DIP2A: variants seen among roughly 807,000 people sequenced by gnomAD.
DIP2A encodes disco-interacting protein 2 homolog A.
DIP2A carries 85 observed loss-of-function variants against 177.4 expected under a neutral mutation model. That is an observed-to-expected ratio of 0.48 (90% CI 0.40 to 0.57). The LOEUF (loss-of-function observed/expected upper bound fraction) is 0.57, where lower values mean the gene tolerates loss of function less well. DIP2A is among the 20% of genes least tolerant of loss of function. The pLI, the probability that DIP2A is intolerant of heterozygous loss-of-function variation, is 0.00. For synonymous variants in DIP2A, 886 were observed against 881.8 expected, an observed-to-expected ratio of 1.00 and a Z score of -0.08; for missense variants, 1,791 against 2,100.2, an observed-to-expected ratio of 0.85 and a Z score of 2.88.
At chr21:46,482,794 TC>T (rs2056437518) in intron 1 of DIP2A, among the ~76,000 whole-genome samples, 1 of 152,306 alleles carries the variant, frequency 6.6e-6, no homozygotes, top group African/African-American at 2.4e-5. Flanking sequence ...GCATCTGTGA[TC>T]CTAAGTGAGA....
intron 5 of DIP2A, among the ~76,000 whole-genome samples, chr21:46,503,950 C>T (rs1264907309): frequency 1.3e-5 from 2 of 152,062 alleles, no homozygotes; most frequent in Non-Finnish European, 2.9e-5. Context: ...GGTCTCGAAC[C>T]CCTGACCTCA....
intron 32 of DIP2A, among the ~76,000 whole-genome samples, chr21:46,560,266 A>G (rs2060620188): frequency 6.6e-6 from 1 of 152,228 alleles, no homozygotes; most frequent in African/African-American, 2.4e-5. Context: ...TCAGAAAGGA[A>G]GAGAGTAGAA....
chr21:46,518,386 C>G (rs2058677629), intron 8 of DIP2A, among the ~76,000 whole-genome samples: 1 of 152,194 alleles, frequency 6.6e-6, no homozygotes, highest in Non-Finnish European at 1.5e-5. Context: ...TGCTCCCCAT[C>G]ATTATCAGCA....
At chr21:46,464,844 T>TTTAA in intron 1 of DIP2A, among the ~76,000 whole-genome samples, 1 of 111,232 alleles carries the variant, frequency 9.0e-6, no homozygotes, top group African/African-American at 4.2e-5. Context: ...TTTTTTTTTT[T>TTTAA]CAAGAAAACA....
chr21:46,551,264 T>G (rs1350418204), intron 23 of DIP2A, among the ~76,000 whole-genome samples: 3 of 152,254 alleles, frequency 2.0e-5, no homozygotes, highest in Non-Finnish European at 4.4e-5. Flanking sequence ...TGCCAAAGTT[T>G]TTTTTTATTA....
In DIP2A at chr21:46,498,842, TA is replaced by T. The variant is rs748015877; in HGVS notation, c.655+11del. The T allele has an allele frequency of 6.2e-7, 1 of 1,606,794 alleles. No homozygotes were observed. Among genetic ancestry groups the T allele is most frequent in the Non-Finnish European group, 8.5e-7 (1 of 1,175,138 alleles). On this transcript the variant is annotated intron_variant, in intron 5 of 37. Coordinates refer to ENST00000417564, the MANE Select transcript of DIP2A (RefSeq NM_015151.4). The surrounding 1 kb of genome is among the most constrained non-coding windows in gnomAD (Gnocchi z 4.3). ...GGCCCACACCCACATAGGTCAGTAA[TA>T]AGCTGCTGCGGCCCCTGTGCCAGCA...
At chr21:46,580,838 G>T in the DIP2A span, among the ~76,000 whole-genome samples, 1 of 152,188 alleles carries the variant, frequency 6.6e-6, no homozygotes, top group African/African-American at 2.4e-5. Context: ...ACTTCCCTTT[G>T]TAGGTGTCCT....
chr21:46,528,341 T>A (rs1246270714), intron 8 of DIP2A, among the ~76,000 whole-genome samples: 1 of 152,034 alleles, frequency 6.6e-6, no homozygotes, highest in Non-Finnish European at 1.5e-5. Flanking sequence ...AATGATGTAA[T>A]TGAGGGATAT....
intron 12 of DIP2A, 59 bp downstream of exon 12, chr21:46,534,172 C>CT: frequency 7.3e-7 from 1 of 1,375,048 alleles, no homozygotes; most frequent in East Asian, 2.4e-5. Flanking sequence ...TTAAGTCTTG[C>CT]TTTTCATAAG....
intron 33 of DIP2A, chr21:46,561,545 G>A (rs2060662692): frequency 1.4e-6 from 1 of 691,924 alleles, no homozygotes; most frequent in Admixed American, 2.1e-5. Context: ...TGGGTGGCGA[G>A]TGCATGCGGG....
the DIP2A span, among the ~76,000 whole-genome samples, chr21:46,582,620 C>T: frequency 6.6e-6 from 1 of 152,164 alleles, no homozygotes; most frequent in African/African-American, 2.4e-5. Flanking sequence ...TTTCCCGACT[C>T]TCCATGGGTT....
chr21:46,498,423 G>C lies in DIP2A; in HGVS notation c.404-159G>C, dbSNP rs544362684. Among the ~76,000 whole-genome samples the C allele has an allele frequency of 5.0e-4, 76 of 152,222 alleles. No homozygotes were observed. The highest frequency in any genetic ancestry group is 1.5e-3 in the South Asian group (7 of 4,826). ...CTTCTTGCATGCCCTTCTAGATTGAGGGTGACCTTTGAGCTGACTGCGTGG... is the reference window on the plus strand; with the variant it reads ...CTTCTTGCATGCCCTTCTAGATTGACGGTGACCTTTGAGCTGACTGCGTGG... On this transcript the variant is annotated intron_variant, in intron 4 of 37. Coordinates refer to ENST00000417564, the MANE Select transcript of DIP2A (RefSeq NM_015151.4). The surrounding 1 kb of genome is among the most constrained non-coding windows in gnomAD (Gnocchi z 4.3).
In DIP2A at chr21:46,471,802, C is replaced by G. The variant is rs185966604; in HGVS notation, c.91+12580C>G. 4.6e-5 allele frequency among the ~76,000 whole-genome samples: 7 copies of G among 152,258 alleles called. No homozygotes were observed. In the East Asian group the frequency reaches 1.3e-3, roughly 29 times the overall value. The stretch of plus-strand genomic sequence containing the variant: ...AGCAGCTAAAATTATAGCTGGGAGA[C>G]AGTGATCATGCGGGGGTTTCCTTTC... On this transcript the variant is annotated intron_variant, in intron 1 of 37. Coordinates refer to ENST00000417564, the MANE Select transcript of DIP2A (RefSeq NM_015151.4).
At chr21:46,528,849 C>T (rs2148736019) in intron 8 of DIP2A, among the ~76,000 whole-genome samples, 1 of 151,900 alleles carries the variant, frequency 6.6e-6, no homozygotes, top group South Asian at 2.1e-4. Context: ...TTCTGTAGTC[C>T]AGATTTTCTG....
In DIP2A at chr21:46,566,624, G is replaced by GT; in HGVS notation, c.4405dup (p.Tyr1469LeufsTer7). 1 of 1,614,224 alleles carries GT rather than the reference G, an allele frequency of 6.2e-7. No individual in the cohort carries two copies. The highest frequency in any genetic ancestry group is 8.5e-7 in the Non-Finnish European group (1 of 1,180,036). On this transcript the variant is annotated frameshift_variant, in exon 37 of 38. Coordinates refer to ENST00000417564, the MANE Select transcript of DIP2A (RefSeq NM_015151.4). LOFTEE classifies it high-confidence loss of function. ...AAACTCTGGAGCTCAGAGGCATGCGGTACCACCCCATCGACATTGAGACCT... is the reference window on the plus strand; with the variant it reads ...AAACTCTGGAGCTCAGAGGCATGCGGTTACCACCCCATCGACATTGAGACCT...
At chr21:46,551,232 G>A in intron 23 of DIP2A, among the ~76,000 whole-genome samples, 1 of 151,896 alleles carries the variant, frequency 6.6e-6, no homozygotes, top group East Asian at 1.9e-4. Flanking sequence ...TCATTTCTTT[G>A]GTCCTGTTGA....
chr21:46,492,931 C>CGA (rs1555882122), intron 3 of DIP2A, among the ~76,000 whole-genome samples: 1 of 135,046 alleles, frequency 7.4e-6, no homozygotes, highest in Non-Finnish European at 1.6e-5. Context: ...GACTCTGTCT[C>CGA]AAAAAAAAAA....
At position 46,498,625 on chromosome 21, in the gene DIP2A, C is replaced by T. The variant is rs202195576; in HGVS notation, c.447C>T (p.Pro149=). Reference sequence around the variant, plus strand: ...AAGATGAGGGCTCTTTACGGCGACCCGGGCGACTCACCTCCACTCCGCTCC... The same window carrying T: ...AAGATGAGGGCTCTTTACGGCGACCTGGGCGACTCACCTCCACTCCGCTCC... ...ASEDEGSLRR[P]GRLTSTPLQS... Residue 149 remains proline, a synonymous_variant, in exon 5 of 38, where the codon CCC becomes CCT. Coordinates refer to ENST00000417564, the MANE Select transcript of DIP2A (RefSeq NM_015151.4). The surrounding 1 kb of genome is among the most constrained non-coding windows in gnomAD (Gnocchi z 4.3). 7.5e-4 allele frequency: 1,205 copies of T among 1,612,906 alleles called. No homozygotes were observed. Among genetic ancestry groups the T allele is most frequent in the Non-Finnish European group, 9.7e-4 (1,149 of 1,179,446 alleles).
intron 1 of DIP2A, among the ~76,000 whole-genome samples, chr21:46,472,695 G>T (rs945447851): frequency 6.6e-6 from 1 of 152,198 alleles, no homozygotes; most frequent in Non-Finnish European, 1.5e-5. Flanking sequence ...AAAGGCAGGG[G>T]CTAACTTACA....
Sources: allele counts gnomAD v4.1 joint callset (sites outside exome capture counted in the v4.1 genomes callset), GRCh38; gene constraint gnomAD v4.1.1; non-coding constraint Gnocchi (gnomAD v3.1); transcripts MANE v1.5; gene names NCBI Gene and HGNC (gene_info 2026-07-23, HGNC 2026-07-21).